The following JAM3 variants were observed in gnomAD, a reference collection of about 807,000 sequenced individuals.
JAM3 encodes the protein junctional adhesion molecule C.
JAM3 carries 31 observed loss-of-function variants against 39.4 expected under a neutral mutation model. The ratio of observed to expected loss-of-function variants is 0.79; its 90% CI spans 0.59 to 1.06. The LOEUF (loss-of-function observed/expected upper bound fraction) is 1.06, where lower values mean the gene tolerates loss of function less well. Ranked by LOEUF, JAM3 falls within the 50% of genes least tolerant of loss-of-function variation. JAM3 has a pLI of 0.00. For missense variants in JAM3, 455 were observed against 391.4 expected, an observed-to-expected ratio of 1.16 and a Z score of -1.37; for synonymous variants, 182 against 148.7, an observed-to-expected ratio of 1.22 and a Z score of -1.63.
At chr11:134,069,959 TC>T (rs1941462057) in intron 1 of JAM3, among the ~76,000 whole-genome samples, 1 of 152,224 alleles carries the variant, frequency 6.6e-6, no homozygotes, top group Non-Finnish European at 1.5e-5. Flanking sequence ...GGGCATTTGA[TC>T]AAGACACACT....
intron 1 of JAM3, among the ~76,000 whole-genome samples, chr11:134,122,216 C>T (rs919661362): frequency 2.6e-5 from 4 of 152,282 alleles, no homozygotes; most frequent in East Asian, 3.9e-4. Context: ...GACAAGGTCC[C>T]GGTCTGTTCC....
At chr11:134,148,439 A>AG in intron 6 of JAM3, 108 bp from the exon 7 acceptor site, 1 of 1,422,720 alleles carries the variant, frequency 7.0e-7, no homozygotes, top group Non-Finnish European at 9.9e-7. Context: ...CTGAGGGGGC[A>AG]GGGGGCAAGT....
intron 1 of JAM3, among the ~76,000 whole-genome samples, chr11:134,137,321 A>G (rs1273492321): frequency 6.6e-6 from 1 of 152,198 alleles, no homozygotes; most frequent in Admixed American, 6.5e-5. Context: ...TATGTCCTCT[A>G]GTTCACCTGT....
At chr11:134,146,691 C>T (rs1943078631) in intron 6 of JAM3, among the ~76,000 whole-genome samples, 1 of 152,234 alleles carries the variant, frequency 6.6e-6, no homozygotes, top group Non-Finnish European at 1.5e-5. Flanking sequence ...CCTCAGTCTC[C>T]TGAGTAGCTG....
At chr11:134,094,493 A>G (rs1211154442) in intron 1 of JAM3, among the ~76,000 whole-genome samples, 723 of 79,944 alleles carry the variant, frequency 9.0e-3, no homozygotes, top group Middle Eastern at 0.02. Flanking sequence ...CCTGAGGGAA[A>G]CTTCTCCTGA....
intron 1 of JAM3, among the ~76,000 whole-genome samples, chr11:134,105,654 T>C (rs1322707781): frequency 1.3e-5 from 2 of 152,144 alleles, no homozygotes; most frequent in Non-Finnish European, 2.9e-5. Context: ...TTCAGCAAAA[T>C]CTCAGGATAC....
rs1453357034 is a variant in JAM3, at chr11:134,121,827, A to G, written c.77-18024A>G. ...ACACTGCGTGCATGTGTGCGCACAC[A>G]CACACACACACACACACACACACAC... On this transcript the variant is annotated intron_variant, in intron 1 of 8. Coordinates refer to ENST00000299106, the MANE Select transcript of JAM3 (RefSeq NM_032801.5). Among the ~76,000 whole-genome samples, 793 of 150,980 alleles carry G rather than the reference A, an allele frequency of 5.3e-3. 3 individuals are homozygous for G. The highest frequency in any genetic ancestry group is 0.01 in the African/African-American group (421 of 40,800).
In JAM3 at chr11:134,151,035, G is replaced by C. The variant is rs1056698284; in HGVS notation, c.*1854G>C. The C allele has an allele frequency of 5.9e-5, 9 of 152,252 alleles. No individual in the cohort carries two copies. Among genetic ancestry groups the C allele is most frequent in the African/African-American group, 1.7e-4 (7 of 41,460 alleles). The allele number at this position is 152,252 out of a possible 1,614,324, so 9.4% of individuals were successfully genotyped here. A position where few individuals can be genotyped will look rare whatever the true frequency, so the allele number is the denominator to read the frequency against. On this transcript the variant is annotated 3_prime_UTR_variant, in exon 9 of 9. Coordinates refer to ENST00000299106, the MANE Select transcript of JAM3 (RefSeq NM_032801.5). ...TGTTCTTCAAGAGCAGGTGTTCTCA[G>C]CCTCACATGCCCTGCCGTGCTGGAC...
intron 1 of JAM3, among the ~76,000 whole-genome samples, chr11:134,088,011 A>G (rs888832995): frequency 9.2e-5 from 14 of 152,294 alleles, no homozygotes; most frequent in African/African-American, 2.6e-4. Flanking sequence ...CAGATGCCCC[A>G]TGGGTGGCAG....
At chr11:134,093,030 T>G (rs918314312) in intron 1 of JAM3, among the ~76,000 whole-genome samples, 11 of 139,912 alleles carry the variant, frequency 7.9e-5, no homozygotes, top group Middle Eastern at 4.3e-3. Flanking sequence ...TGAGGGAAGC[T>G]TCTCCTGAAC....
At chr11:134,111,472 A>G (rs568538487) in intron 1 of JAM3, among the ~76,000 whole-genome samples, 9 of 152,186 alleles carry the variant, frequency 5.9e-5, no homozygotes, top group Non-Finnish European at 7.3e-5. Flanking sequence ...ATTATGCACA[A>G]TCATAAGGGA....
At chr11:134,129,859 G>A (rs983962805) in intron 1 of JAM3, among the ~76,000 whole-genome samples, 3 of 152,026 alleles carry the variant, frequency 2.0e-5, no homozygotes. Flanking sequence ...AAAATTAGCC[G>A]GGCGTGGTGG....
chr11:134,148,131 C>G, intron 6 of JAM3: 1 of 236,810 alleles, frequency 4.2e-6, no homozygotes, highest in Non-Finnish European at 8.3e-6. Flanking sequence ...AGCTACCTTT[C>G]TTCCCCGCAG....
At chr11:134,094,570 C>T (rs1367203916) in intron 1 of JAM3, among the ~76,000 whole-genome samples, 1 of 150,980 alleles carries the variant, frequency 6.6e-6, no homozygotes, top group Non-Finnish European at 1.5e-5. Context: ...CTGAGCCCTC[C>T]TTATTCATCA....
intron 1 of JAM3, among the ~76,000 whole-genome samples, chr11:134,121,203 G>C (rs182539838): frequency 1.3e-4 from 20 of 152,306 alleles, no homozygotes; most frequent in Admixed American, 9.8e-4. Context: ...TTAAACAAGC[G>C]AAGTGATTGT....
At chr11:134,101,357 A>C (rs961339246) in intron 1 of JAM3, among the ~76,000 whole-genome samples, 1 of 152,346 alleles carries the variant, frequency 6.6e-6, no homozygotes, top group East Asian at 1.9e-4. Flanking sequence ...CTATTTAACT[A>C]TAAGTAGAGT....
chr11:134,146,836 G>A (rs1371877434), intron 6 of JAM3, among the ~76,000 whole-genome samples: 1 of 152,174 alleles, frequency 6.6e-6, no homozygotes, highest in Non-Finnish European at 1.5e-5. Flanking sequence ...CAGGTGCTGG[G>A]ATTAACAGGC....
rs185515106 is a variant in JAM3, at chr11:134,086,810, G to T, written c.76+17651G>T. 5.4e-3 allele frequency among the ~76,000 whole-genome samples: 825 copies of T among 151,766 alleles called. 2 individuals are homozygous for T. Among genetic ancestry groups the T allele is most frequent in the Middle Eastern group, 0.014 (4 of 294 alleles). On this transcript the variant is annotated intron_variant, in intron 1 of 8. Coordinates refer to ENST00000299106, the MANE Select transcript of JAM3 (RefSeq NM_032801.5). ...AAAAAGTGTGTGAGTGGTTTTTTTT[G>T]TTGTTGTTGTTGTTTTGTTTTTTGA...
intron 1 of JAM3, chr11:134,124,098 A>C: frequency 2.0e-6 from 3 of 1,488,296 alleles, no homozygotes; most frequent in Admixed American, 1.7e-5. Context: ...ATCATCTACT[A>C]TCTGATTAGG....
Sources: allele counts gnomAD v4.1 joint callset (sites outside exome capture counted in the v4.1 genomes callset), GRCh38; gene constraint gnomAD v4.1.1; transcripts MANE v1.5; gene names NCBI Gene and HGNC (gene_info 2026-07-23, HGNC 2026-07-21).